The following CFAP77 variants were observed in gnomAD, a reference collection of about 807,000 sequenced individuals.
CFAP77 encodes cilia- and flagella-associated protein 77.
A neutral mutation model predicts 31.1 loss-of-function variants in CFAP77; 25 were observed. The ratio of observed to expected loss-of-function variants is 0.80; its 90% CI spans 0.59 to 1.12. The LOEUF (loss-of-function observed/expected upper bound fraction) is 1.12, where lower values mean the gene tolerates loss of function less well. Ranked by LOEUF, CFAP77 falls within the 50% of genes most tolerant of loss-of-function variation. The pLI is 0.00. For missense variants in CFAP77, 377 were observed against 397.3 expected, an observed-to-expected ratio of 0.95 and a Z score of 0.44; for synonymous variants, 151 against 159.9, an observed-to-expected ratio of 0.94 and a Z score of 0.42.
chr9:132,550,011 T>C (rs1276656792), intron 5 of CFAP77, among the ~76,000 whole-genome samples: 1 of 151,482 alleles, frequency 6.6e-6, no homozygotes, highest in Non-Finnish European at 1.5e-5. Context: ...GGAAAGGAGG[T>C]GTTCATGTAT....
rs1851450255 is a variant in CFAP77, at chr9:132,481,825, T to C, written c.196-16870T>C. Among the ~76,000 whole-genome samples, 1 of 152,228 alleles carries C rather than the reference T, an allele frequency of 6.6e-6. No individual in the cohort carries two copies. The highest frequency in any genetic ancestry group is 6.5e-5 in the Admixed American group (1 of 15,280). ...ATTTTGTGTTAAACTCCTTCTCATT[T>C]ATTACAATACCACTTTTTATTGACA... is the stretch of plus-strand genomic sequence containing the variant. On this transcript the variant is annotated intron_variant, in intron 1 of 5. Transcript: ENST00000393216. The surrounding 1 kb of genome is among the most constrained non-coding windows in gnomAD (Gnocchi z 5.0).
intron 1 of CFAP77, among the ~76,000 whole-genome samples, chr9:132,416,857 G>A (rs1002486509): frequency 2.0e-5 from 3 of 151,660 alleles, no homozygotes; most frequent in Non-Finnish European, 2.9e-5. Flanking sequence ...AGGCTGGTCC[G>A]AACTCCTGAC....
chr9:132,455,882 CCACAGA>C lies in CFAP77; in HGVS notation c.196-42805_196-42800del, dbSNP rs1850903799. Among the ~76,000 whole-genome samples, 1 of 152,164 alleles carries C rather than the reference CCACAGA, an allele frequency of 6.6e-6. No homozygotes were observed. The highest frequency in any genetic ancestry group is 2.4e-5 in the African/African-American group (1 of 41,422). ...GTGGCCAGGATGTGGGCTTTGAGGT[CCACAGA>C]CACAGACCCGAGTTCTCATCCAGCG... On this transcript the variant is annotated intron_variant, in intron 1 of 5. Coordinates refer to ENST00000393216, the MANE Select transcript of CFAP77 (RefSeq NM_001282957.2). This position sits in a 1 kb window ranked among gnomAD's most constrained non-coding sequence, Gnocchi z 4.1.
intron 1 of CFAP77, among the ~76,000 whole-genome samples, chr9:132,459,065 T>C (rs1012142683): frequency 1.3e-5 from 2 of 148,642 alleles, no homozygotes; most frequent in Admixed American, 7.0e-5. Context: ...TCTACAGCCC[T>C]GAAACTATTT....
chr9:132,565,700 C>T lies in CFAP77; in HGVS notation c.733-6688C>T, dbSNP rs997390128. Among the ~76,000 whole-genome samples, 2 of 152,134 alleles carry T rather than the reference C, an allele frequency of 1.3e-5. No homozygotes were observed. The highest frequency in any genetic ancestry group is 2.1e-4 in the South Asian group (1 of 4,820). On this transcript the variant is annotated intron_variant, in intron 5 of 5. Transcript: ENST00000393216. The surrounding 1 kb of genome is among the most constrained non-coding windows in gnomAD (Gnocchi z 4.1). ...TCACATGTACAGTGTGTTTAGTGAC[C>T]GCTTCCCAAGATGTCTCCCTGGGTC...
At position 132,458,357 on chromosome 9, in the gene CFAP77, G is replaced by GTGT. The variant is rs1554738861; in HGVS notation, c.196-40338_196-40337insTGT. The stretch of plus-strand genomic sequence containing the variant: ...GTCTCCCTGGCGGGGGAGGGGGGGG[G>GTGT]GTGTGTATGGAAGGCTCAGCTCATC... On this transcript the variant is annotated intron_variant, in intron 1 of 5. Transcript: ENST00000393216. Among the ~76,000 whole-genome samples the GTGT allele has an allele frequency of 5.0e-3, 600 of 118,992 alleles. 21 individuals carry two copies. The highest frequency in any genetic ancestry group is 0.018 in the African/African-American group (550 of 30,912). The allele number at this position is 118,992 out of a possible 152,430, so 78.1% of individuals were successfully genotyped here.
At position 132,494,622 on chromosome 9, in the gene CFAP77, G is replaced by A. The variant is rs59217549; in HGVS notation, c.196-4073G>A. On this transcript the variant is annotated intron_variant, in intron 1 of 5. Transcript: ENST00000393216. ...TCCAGGATGGAATTGTTGGGTTATC[G>A]GACAGGCATATATTTAGCTTCAAGA... 2.2e-4 allele frequency among the ~76,000 whole-genome samples: 33 copies of A among 152,044 alleles called. No individual in the cohort carries two copies. The East Asian group carries it at 3.7e-3, about 17-fold the overall frequency.
intron 1 of CFAP77, among the ~76,000 whole-genome samples, chr9:132,413,387 G>A (rs1850042721): frequency 1.3e-5 from 2 of 152,210 alleles, no homozygotes; most frequent in African/African-American, 4.8e-5. Context: ...TTTAATAGGA[G>A]TGATTGAATC....
In CFAP77 at chr9:132,511,020, T is replaced by C. The variant is rs1852027947; in HGVS notation, c.524+11420T>C. On this transcript the variant is annotated intron_variant, in intron 3 of 5. Coordinates refer to ENST00000393216, the MANE Select transcript of CFAP77 (RefSeq NM_001282957.2). This position sits in a 1 kb window ranked among gnomAD's most constrained non-coding sequence, Gnocchi z 5.8. ...ATCTGATCTCAGAACCCACATTCGTTACCTCCGGCCTATGCTGAGAGTTCA... is the reference window on the plus strand; with the variant it reads ...ATCTGATCTCAGAACCCACATTCGTCACCTCCGGCCTATGCTGAGAGTTCA... 6.6e-6 allele frequency among the ~76,000 whole-genome samples: 1 copy of C among 152,156 alleles called. No individual in the cohort carries two copies. Among genetic ancestry groups the C allele is most frequent in the Non-Finnish European group, 1.5e-5 (1 of 68,022 alleles).
Position 132,572,331 on chromosome 9 carries a change from G to A in CFAP77, c.733-57G>A, listed in dbSNP as rs995729679. 5.8e-6 allele frequency: 9 copies of A among 1,560,246 alleles called. No individual in the cohort carries two copies. The Admixed American group carries it at 1.3e-4, about 23-fold the overall frequency. ...CAGGGGGCAGGCGAGGGGAGCAACT[G>A]GAATGAGCTACACTGAAGTCTCCCC... On this transcript the variant is annotated intron_variant, in intron 5 of 5. Coordinates refer to ENST00000393216, the MANE Select transcript of CFAP77 (RefSeq NM_001282957.2).
rs1050747292 is a variant in CFAP77 at position 132,567,545 on chromosome 9, C to G, written c.733-4843C>G. Among the ~76,000 whole-genome samples the G allele has an allele frequency of 3.9e-5, 6 of 152,196 alleles. No individual in the cohort carries two copies. In the East Asian group the frequency reaches 7.7e-4, roughly 20 times the overall value. ...GGTGAGCCTCCTGCCACCAGCAGGG[C>G]CAGCCACAGCCCCACCCACCATCGC... On this transcript the variant is annotated intron_variant, in intron 5 of 5. Coordinates refer to ENST00000393216, the MANE Select transcript of CFAP77 (RefSeq NM_001282957.2).
Position 132,459,420 on chromosome 9 carries a change from GGTGTGTGT to G in CFAP77, c.196-39248_196-39241del, listed in dbSNP as rs112825234. 3.6e-3 allele frequency among the ~76,000 whole-genome samples: 521 copies of G among 143,976 alleles called. 2 individuals carry two copies. The highest frequency in any genetic ancestry group is 5.6e-3 in the African/African-American group (217 of 38,726). 94.5% of individuals were successfully genotyped at this position (143,976 alleles called of 152,430 possible). On this transcript the variant is annotated intron_variant, in intron 1 of 5. Transcript: ENST00000393216. ...CACCTAATGTGGCCTGGATGAATAG[GGTGTGTGT>G]GTGTGTGTGTGTGTGTGTGTGTGTG...
In CFAP77 at chr9:132,486,090, A is replaced by ATTTTATTTTTTT. The variant is rs1554742622; in HGVS notation, c.196-12601_196-12600insATTTTTTTTTTT. Among the ~76,000 whole-genome samples the ATTTTATTTTTTT allele has an allele frequency of 6.5e-4, 10 of 15,356 alleles. 3 individuals carry two copies. Among genetic ancestry groups the ATTTTATTTTTTT allele is most frequent in the African/African-American group, 4.3e-3 (10 of 2,314 alleles). The allele number at this position is 15,356 out of a possible 152,430, so 10.1% of individuals were successfully genotyped here. On this transcript the variant is annotated intron_variant, in intron 1 of 5. Coordinates refer to ENST00000393216, the MANE Select transcript of CFAP77 (RefSeq NM_001282957.2). ...TGTATATATATATATATATATATAT[A>ATTTTATTTTTTT]TTTTTTTTTTTTTTTTTTTTGAGAC...
chr9:132,499,141 C>G lies in CFAP77; in HGVS notation c.296-231C>G, dbSNP rs1851795766. Among the ~76,000 whole-genome samples, 1 of 152,226 alleles carries G rather than the reference C, an allele frequency of 6.6e-6. No homozygotes were observed. Among genetic ancestry groups the G allele is most frequent in the African/African-American group, 2.4e-5 (1 of 41,468 alleles). Reference sequence around the variant, plus strand: ...CTGCCCAGAGGAAGTCAAGGGCCAGCCCAGCTCCAGGGAAGATGCTTGGCT... The same window carrying G: ...CTGCCCAGAGGAAGTCAAGGGCCAGGCCAGCTCCAGGGAAGATGCTTGGCT... On this transcript the variant is annotated intron_variant, in intron 2 of 5. Transcript: ENST00000393216. This position sits in a 1 kb window ranked among gnomAD's most constrained non-coding sequence, Gnocchi z 5.4.
intron 1 of CFAP77, among the ~76,000 whole-genome samples, chr9:132,461,102 T>C (rs1219335857): frequency 1.3e-5 from 2 of 152,218 alleles, no homozygotes; most frequent in Admixed American, 6.5e-5. Flanking sequence ...TGCTCATTTA[T>C]TTACTCAAAG....
Position 132,565,815 on chromosome 9 carries a change from T to A in CFAP77, c.733-6573T>A, listed in dbSNP as rs1829878140. The stretch of plus-strand genomic sequence containing the variant: ...ATTTCTGCGATGCCATTTAGATTTG[T>A]GCAATGCTCCCCATTCTAACAGGAC... On this transcript the variant is annotated intron_variant, in intron 5 of 5. Transcript: ENST00000393216. The surrounding 1 kb of genome is among the most constrained non-coding windows in gnomAD (Gnocchi z 4.1). 6.6e-6 allele frequency among the ~76,000 whole-genome samples: 1 copy of A among 152,184 alleles called. No individual in the cohort carries two copies. The highest frequency in any genetic ancestry group is 1.5e-5 in the Non-Finnish European group (1 of 68,026).
At chr9:132,542,660 C>G (rs1340278057) in intron 4 of CFAP77, among the ~76,000 whole-genome samples, 6 of 152,370 alleles carry the variant, frequency 3.9e-5, no homozygotes, top group Middle Eastern at 3.4e-3. Flanking sequence ...TGTCCATGCC[C>G]TGAGGGTGGC....
rs769564192 is a variant in CFAP77, at chr9:132,499,718, T to C, written c.524+118T>C. The C allele has an allele frequency of 3.4e-6, 3 of 869,650 alleles. No individual in the cohort carries two copies. Among genetic ancestry groups the C allele is most frequent in the Non-Finnish European group, 5.5e-6 (3 of 541,848 alleles). The allele number at this position is 869,650 out of a possible 1,614,324, so 53.9% of individuals were successfully genotyped here. On this transcript the variant is annotated intron_variant, in intron 3 of 5. Coordinates refer to ENST00000393216, the MANE Select transcript of CFAP77 (RefSeq NM_001282957.2). The surrounding 1 kb of genome is among the most constrained non-coding windows in gnomAD (Gnocchi z 5.4). ...GCATCCTCCCAGCCCCACTGTCCTC[T>C]CTTCAATGACTCTCTCTTGTGTGAC...
intron 1 of CFAP77, among the ~76,000 whole-genome samples, chr9:132,469,476 A>G (rs556133608): frequency 3.9e-5 from 6 of 152,174 alleles, no homozygotes; most frequent in Admixed American, 2.0e-4. Flanking sequence ...AGAGAGGTTT[A>G]CTTCTGAGGC....
Sources: gnomAD v4.1 joint callset for allele counts (sites outside exome capture counted in the v4.1 genomes callset) on GRCh38, gnomAD v4.1.1 for gene constraint, Gnocchi (gnomAD v3.1) non-coding constraint, MANE v1.5 for transcripts, NCBI Gene and HGNC (gene_info 2026-07-23, HGNC 2026-07-21) for gene names.